Variants in PRKN observed in about 807,000 individuals in gnomAD.
The protein encoded by PRKN is E3 ubiquitin-protein ligase parkin.
Under a neutral mutation model 59.5 loss-of-function variants are expected in PRKN, and 56 were observed. The observed-to-expected ratio is 0.94, with a 90% CI of 0.76 to 1.18. The LOEUF (loss-of-function observed/expected upper bound fraction) is 1.18. Ranked by LOEUF, PRKN falls within the 50% of genes most tolerant of loss-of-function variation. The probability of loss-of-function intolerance (pLI) is 0.00; values close to 1 mark genes in which losing one functional copy is unlikely to be tolerated. For synonymous variants in PRKN, 250 were observed against 222.1 expected (o/e 1.13, Z -1.12); for missense variants, 657 against 596.4 (o/e 1.10, Z -1.06).
At chr6:161,830,614 T>C (rs577101312) in intron 6 of PRKN, among the ~76,000 whole-genome samples, 2 of 152,328 alleles carry the variant, frequency 1.3e-5, no homozygotes, top group African/African-American at 4.8e-5. Flanking sequence ...AAGGCATTTT[T>C]TACATTTATT....
chr6:161,398,411 G>T (rs1232806678), intron 9 of PRKN, among the ~76,000 whole-genome samples: 2 of 152,120 alleles, frequency 1.3e-5, no homozygotes, highest in Non-Finnish European at 2.9e-5. Flanking sequence ...CCAGGAGCAT[G>T]TCAGAAAACC....
At chr6:162,288,042 C>G (rs149086011) in intron 2 of PRKN, among the ~76,000 whole-genome samples, 1 of 152,274 alleles carries the variant, frequency 6.6e-6, no homozygotes, top group East Asian at 1.9e-4. Flanking sequence ...GAATCCTGTT[C>G]ATGATTAGAA....
At chr6:162,616,637 A>G (rs1406288052) in intron 1 of PRKN, among the ~76,000 whole-genome samples, 1 of 152,180 alleles carries the variant, frequency 6.6e-6, no homozygotes, top group African/African-American at 2.4e-5. Context: ...GAGCAATGGT[A>G]TGGCTTTTTC....
chr6:162,015,298 T>C (rs1293981778), intron 5 of PRKN, among the ~76,000 whole-genome samples: 1 of 152,174 alleles, frequency 6.6e-6, no homozygotes, highest in Admixed American at 6.5e-5. Flanking sequence ...TCTTTGAGAT[T>C]ATATGATTGG....
chr6:162,368,096 T>G (rs1196119288), intron 2 of PRKN, among the ~76,000 whole-genome samples: 1 of 152,132 alleles, frequency 6.6e-6, no homozygotes, highest in African/African-American at 2.4e-5. Context: ...TCACAGGAAC[T>G]CGCTGGCAAG....
intron 6 of PRKN, among the ~76,000 whole-genome samples, chr6:161,869,240 G>A (rs1044343332): frequency 2.0e-5 from 3 of 152,192 alleles, no homozygotes; most frequent in South Asian, 4.2e-4. Flanking sequence ...TCAGTTGAGC[G>A]TGGTGGCGTG....
intron 3 of PRKN, among the ~76,000 whole-genome samples, chr6:162,227,127 A>G (rs1169147685): frequency 2.0e-5 from 3 of 152,208 alleles, no homozygotes; most frequent in Non-Finnish European, 4.4e-5. Context: ...TAGTATACGT[A>G]TGGGACTTGC....
chr6:161,781,121 T>A (rs1490198499), intron 7 of PRKN, among the ~76,000 whole-genome samples: 1 of 152,234 alleles, frequency 6.6e-6, no homozygotes, highest in Non-Finnish European at 1.5e-5. Context: ...CAGTTGTTTC[T>A]AGCCTGTCTC....
chr6:161,622,001 C>T (rs1350664236), intron 7 of PRKN, among the ~76,000 whole-genome samples: 1 of 152,126 alleles, frequency 6.6e-6, no homozygotes, highest in Admixed American at 6.5e-5. Flanking sequence ...GATGCCTTAC[C>T]ACGTGTATGC....
chr6:162,117,938 A>G (rs1354175177), intron 4 of PRKN, among the ~76,000 whole-genome samples: 1 of 151,982 alleles, frequency 6.6e-6, no homozygotes, highest in African/African-American at 2.4e-5. Context: ...CTCTACTAAA[A>G]ATACAAAATT....
chr6:162,322,771 C>T (rs1783084869), intron 2 of PRKN, among the ~76,000 whole-genome samples: 2 of 151,756 alleles, frequency 1.3e-5, no homozygotes, highest in African/African-American at 4.8e-5. Context: ...TCTCTTGCAC[C>T]ATATATAAAA....
Position 161,977,621 on chromosome 6 carries a change from A to G in PRKN, c.619-4204T>C, listed in dbSNP as rs1263381125. Among the ~76,000 whole-genome samples, 20 of 137,682 alleles carry G rather than the reference A, an allele frequency of 1.5e-4. No homozygotes were observed. In the Admixed American group the frequency reaches 1.7e-3, roughly 12 times the overall value. The allele number at this position is 137,682 out of a possible 152,430, so 90.3% of individuals were successfully genotyped here. ...GAGCGCAGTGGCACGATCTTGGCTC[A>G]TTGCAAGCTCCACCTCCCGGGTTCA... On this transcript the variant is annotated intron_variant, in intron 5 of 11. Coordinates refer to ENST00000366898, the MANE Select transcript of PRKN (RefSeq NM_004562.3).
chr6:162,307,865 T>G (rs144792941), intron 2 of PRKN, among the ~76,000 whole-genome samples: 35 of 151,910 alleles, frequency 2.3e-4, no homozygotes, highest in Admixed American at 1.5e-3. Context: ...AAAAAGTGGT[T>G]ATTGTTAATA....
At chr6:162,351,203 T>TA (rs1353236555) in intron 2 of PRKN, among the ~76,000 whole-genome samples, 2 of 151,134 alleles carry the variant, frequency 1.3e-5, no homozygotes, top group African/African-American at 4.9e-5. Flanking sequence ...AAAATAAAAA[T>TA]AAAAAATAAA....
At chr6:161,675,589 G>A (rs1286944212) in intron 7 of PRKN, among the ~76,000 whole-genome samples, 2 of 152,188 alleles carry the variant, frequency 1.3e-5, no homozygotes, top group African/African-American at 4.8e-5. Context: ...TGAGCAGCAA[G>A]AATGAATCTT....
intron 2 of PRKN, among the ~76,000 whole-genome samples, chr6:162,404,367 C>A (rs372834696): frequency 2.2e-4 from 31 of 139,036 alleles, no homozygotes; most frequent in South Asian, 9.4e-4. Context: ...GAGACTCTGT[C>A]AGAAAAAAAA....
intron 9 of PRKN, among the ~76,000 whole-genome samples, chr6:161,412,552 T>TCCTCACTCATTCCTC (rs1787630020): frequency 6.7e-6 from 1 of 149,108 alleles, no homozygotes; most frequent in Non-Finnish European, 1.5e-5. Flanking sequence ...ACTCATTCCT[T>TCCTCACTCATTCCTC]CCTCACTCAT....
At chr6:162,710,244 T>C (rs1358389077) in intron 1 of PRKN, among the ~76,000 whole-genome samples, 1 of 151,982 alleles carries the variant, frequency 6.6e-6, no homozygotes, top group Non-Finnish European at 1.5e-5. Context: ...GGAGCTGCTG[T>C]CCCTCTCATA....
At chr6:162,227,070 A>G (rs577167389) in intron 3 of PRKN, among the ~76,000 whole-genome samples, 2 of 152,332 alleles carry the variant, frequency 1.3e-5, no homozygotes, top group South Asian at 4.1e-4. Context: ...GAGGAGCACA[A>G]TGGATAACCA....
Sources: allele counts gnomAD v4.1 joint callset (sites outside exome capture counted in the v4.1 genomes callset), GRCh38; gene constraint gnomAD v4.1.1; transcripts MANE v1.5; gene names NCBI Gene and HGNC (gene_info 2026-07-23, HGNC 2026-07-21).